The following SNCAIP variants were observed in gnomAD, a reference collection of about 807,000 sequenced individuals.
SNCAIP encodes synphilin-1.
A neutral mutation model predicts 86.7 loss-of-function variants in SNCAIP; 43 were observed. That is an observed-to-expected ratio of 0.50 (90% CI 0.39 to 0.64). The LOEUF (loss-of-function observed/expected upper bound fraction) is 0.64, where lower values mean the gene tolerates loss of function less well. Among genes scored for constraint, SNCAIP ranks in the 30% least tolerant of loss-of-function variants. The pLI, the probability that SNCAIP is intolerant of heterozygous loss-of-function variation, is 0.00. For synonymous variants in SNCAIP, 417 were observed against 427.2 expected (o/e 0.98, Z 0.29); for missense variants, 981 against 1,103.1 (o/e 0.89, Z 1.57).
intron 7 of SNCAIP, among the ~76,000 whole-genome samples, chr5:122,443,132 G>A (rs1781439997): frequency 6.6e-6 from 1 of 152,160 alleles, no homozygotes; most frequent in Admixed American, 6.5e-5. Context: ...TTTGTGGTGA[G>A]TTGACCTTTC....
At chr5:122,361,741 C>T (rs377430677) in intron 1 of SNCAIP, among the ~76,000 whole-genome samples, 44 of 152,076 alleles carry the variant, frequency 2.9e-4, no homozygotes, top group Admixed American at 1.7e-3. Context: ...TGTTTGCTCA[C>T]GCCATCCCCC....
rs537979426 is a variant in SNCAIP at position 122,413,949 on chromosome 5, G to C, written c.131-8919G>C. ...TTTATAGACAAGGTCTCACTCTTTCGCCGCAGCTGAAGTGAATTGGTACAA... is the reference window on the plus strand; with the variant it reads ...TTTATAGACAAGGTCTCACTCTTTCCCCGCAGCTGAAGTGAATTGGTACAA... On this transcript the variant is annotated intron_variant, in intron 3 of 10. Transcript: ENST00000261368. Among the ~76,000 whole-genome samples the C allele has an allele frequency of 2.0e-5, 3 of 152,156 alleles. No homozygotes were observed. In the South Asian group the frequency reaches 6.2e-4, roughly 32 times the overall value.
intron 3 of SNCAIP, among the ~76,000 whole-genome samples, chr5:122,414,043 G>T (rs1369996487): frequency 6.6e-6 from 1 of 152,036 alleles, no homozygotes; most frequent in Non-Finnish European, 1.5e-5. Context: ...CCTAGTAGAT[G>T]AAACTACAGG....
chr5:122,463,342 G>C, intron 10 of SNCAIP, 149 bp from the exon 11 acceptor site: 1 of 630,742 alleles, frequency 1.6e-6, no homozygotes, highest in Non-Finnish European at 2.9e-6. Flanking sequence ...TACATGAAAA[G>C]AGAATAATTT....
chr5:122,436,985 T>C (rs1006123268), intron 6 of SNCAIP: 1 of 152,202 alleles, frequency 6.6e-6, no homozygotes, highest in African/African-American at 2.4e-5. Flanking sequence ...TGTGGGTGGA[T>C]GATGAAATGT....
intron 3 of SNCAIP, among the ~76,000 whole-genome samples, chr5:122,420,834 T>C (rs1581141090): frequency 6.6e-6 from 1 of 152,234 alleles, no homozygotes; most frequent in East Asian, 1.9e-4. Context: ...CAACTGTAAT[T>C]AGTCTTTGCC....
intron 1 of SNCAIP, among the ~76,000 whole-genome samples, chr5:122,318,966 C>CTTTTTTTTTTTTTTT (rs58667095): frequency 7.7e-6 from 1 of 130,654 alleles, no homozygotes; most frequent in Non-Finnish European, 1.7e-5. Context: ...CTGTTATCAT[C>CTTTTTTTTTTTTTTT]TTTTTTTTTT....
At chr5:122,424,774 A>T (rs1418658542) in intron 4 of SNCAIP, among the ~76,000 whole-genome samples, 3 of 152,210 alleles carry the variant, frequency 2.0e-5, no homozygotes, top group Middle Eastern at 3.2e-3. Context: ...CAACGAGTTC[A>T]TAGTCAAGGG....
chr5:122,341,466 A>G (rs1322533333), intron 1 of SNCAIP, among the ~76,000 whole-genome samples: 1 of 152,216 alleles, frequency 6.6e-6, no homozygotes, highest in African/African-American at 2.4e-5. Flanking sequence ...AAAGGGAACA[A>G]TATATTTCCC....
chr5:122,377,628 C>T (rs993737350), intron 1 of SNCAIP, among the ~76,000 whole-genome samples: 41 of 151,634 alleles, frequency 2.7e-4, no homozygotes, highest in African/African-American at 8.9e-4. Context: ...CATGCTGGTG[C>T]GCTGCACCTA....
intron 1 of SNCAIP, among the ~76,000 whole-genome samples, chr5:122,352,221 C>T (rs1170915796): frequency 6.6e-6 from 1 of 152,144 alleles, no homozygotes; most frequent in Non-Finnish European, 1.5e-5. Flanking sequence ...AAGATGACAC[C>T]ACTGCTTGCC....
chr5:122,323,152 C>T (rs1020216349), intron 1 of SNCAIP, among the ~76,000 whole-genome samples: 1 of 152,082 alleles, frequency 6.6e-6, no homozygotes, highest in Non-Finnish European at 1.5e-5. Context: ...GGCAACAGCG[C>T]CTCAGAGAAG....
At chr5:122,439,177 A>G (rs1302186162) in intron 6 of SNCAIP, among the ~76,000 whole-genome samples, 1 of 152,212 alleles carries the variant, frequency 6.6e-6, no homozygotes, top group Non-Finnish European at 1.5e-5. Flanking sequence ...CATCAGCTCC[A>G]ATTTTCTCTA....
chr5:122,415,868 G>A (rs1463723703), intron 3 of SNCAIP, among the ~76,000 whole-genome samples: 1 of 152,190 alleles, frequency 6.6e-6, no homozygotes, highest in Non-Finnish European at 1.5e-5. Context: ...AGGAAACCTG[G>A]TAAATGGACC....
chr5:122,449,790 A>G (rs1374293971), intron 8 of SNCAIP, 55 bp from the exon 9 acceptor site: 2 of 1,159,564 alleles, frequency 1.7e-6, no homozygotes, highest in Non-Finnish European at 2.6e-6. Flanking sequence ...ATACACCCTA[A>G]TTTATAGCAG....
intron 2 of SNCAIP, among the ~76,000 whole-genome samples, chr5:122,403,295 G>A (rs1402701124): frequency 6.6e-6 from 1 of 152,114 alleles, no homozygotes; most frequent in African/African-American, 2.4e-5. Context: ...TAAAATCTGT[G>A]GCAAGTGGCA....
At chr5:122,436,625 A>G (rs1212244184) in intron 6 of SNCAIP, 1 of 152,192 alleles carries the variant, frequency 6.6e-6, no homozygotes, top group African/African-American at 2.4e-5. Context: ...AAAAACTGGA[A>G]TAAATCTTAT....
intron 1 of SNCAIP, among the ~76,000 whole-genome samples, chr5:122,385,958 C>T (rs1270125333): frequency 6.6e-6 from 1 of 152,048 alleles, no homozygotes; most frequent in African/African-American, 2.4e-5. Context: ...CAAGCTGACT[C>T]CTTGTAAAAT....
chr5:122,457,715 T>G lies in SNCAIP; in HGVS notation c.2755-5776T>G, dbSNP rs1048065484. 2.6e-5 allele frequency among the ~76,000 whole-genome samples: 4 copies of G among 152,200 alleles called. No homozygotes were observed. In the East Asian group the frequency reaches 5.8e-4, roughly 22 times the overall value. ...CCTCGCCTGTAGTTTCAAAGTATTT[T>G]CAGAAAGAAAACCCTCATTTTATAC... On this transcript the variant is annotated intron_variant, in intron 10 of 10. Coordinates refer to ENST00000261368, the MANE Select transcript of SNCAIP (RefSeq NM_005460.4).
Sources: allele counts gnomAD v4.1 joint callset (sites outside exome capture counted in the v4.1 genomes callset), GRCh38; gene constraint gnomAD v4.1.1; transcripts MANE v1.5; gene names NCBI Gene and HGNC (gene_info 2026-07-23, HGNC 2026-07-21).